Variants in CSNK1G1 observed in about 807,000 individuals in gnomAD.
CSNK1G1 encodes casein kinase I isoform gamma-1.
CSNK1G1 carries 22 observed loss-of-function variants against 59.6 expected under a neutral mutation model. The observed-to-expected ratio is 0.37, with a 90% CI of 0.26 to 0.53. CSNK1G1 has a LOEUF of 0.53. Among genes scored for constraint, CSNK1G1 ranks in the 20% least tolerant of loss-of-function variants. The probability of loss-of-function intolerance (pLI) is 0.89; values close to 1 mark genes in which losing one functional copy is unlikely to be tolerated. For synonymous variants in CSNK1G1, 179 were observed against 177.1 expected (o/e 1.01, Z -0.08); for missense variants, 384 against 519.5 (o/e 0.74, Z 2.54).
At chr15:64,221,556 G>A (rs1313963671) in intron 4 of CSNK1G1, among the ~76,000 whole-genome samples, 1 of 151,728 alleles carries the variant, frequency 6.6e-6, no homozygotes, top group Non-Finnish European at 1.5e-5. Flanking sequence ...ACCACTGAGT[G>A]GTTTTGAAGC....
At chr15:64,261,333 G>C (rs1892676710) in intron 2 of CSNK1G1, among the ~76,000 whole-genome samples, 1 of 152,174 alleles carries the variant, frequency 6.6e-6, no homozygotes, top group South Asian at 2.1e-4. Context: ...AGGTGCAGTG[G>C]CTCATGCCTG....
chr15:64,300,552 A>G lies in CSNK1G1; in HGVS notation c.-53T>C. 1.3e-6 allele frequency: 2 copies of G among 1,535,940 alleles called. No individual in the cohort carries two copies. Among genetic ancestry groups the G allele is most frequent in the East Asian group, 2.3e-5 (1 of 43,650 alleles). ...TACAGCAAGTAGCTTCAGTATGTAT[A>G]CCTCTCTTCAATACAAAAGTATGTC... On this transcript the variant is annotated 5_prime_UTR_variant, in exon 2 of 12. Transcript: ENST00000303052.
intron 4 of CSNK1G1, among the ~76,000 whole-genome samples, chr15:64,228,805 C>T (rs1025638631): frequency 2.0e-5 from 3 of 152,020 alleles, no homozygotes; most frequent in Non-Finnish European, 4.4e-5. Context: ...TGCTTGTGCT[C>T]AGAAGTTCAA....
chr15:64,268,469 G>A (rs541977322), intron 2 of CSNK1G1, among the ~76,000 whole-genome samples: 49 of 152,196 alleles, frequency 3.2e-4, no homozygotes, highest in African/African-American at 1.1e-3. Flanking sequence ...TTATAACACT[G>A]ATGAGAAAAA....
chr15:64,312,235 C>A (rs1566943527), intron 1 of CSNK1G1, among the ~76,000 whole-genome samples: 1 of 152,126 alleles, frequency 6.6e-6, no homozygotes, highest in African/African-American at 2.4e-5. Flanking sequence ...ACTTCCTTCA[C>A]AGAATTGGAA....
At position 64,222,510 on chromosome 15, in the gene CSNK1G1, G is replaced by A. The variant is rs151220921; in HGVS notation, c.293-5797C>T. Among the ~76,000 whole-genome samples, 738 of 150,624 alleles carry A rather than the reference G, an allele frequency of 4.9e-3. 5 individuals are homozygous for A. Among genetic ancestry groups the A allele is most frequent in the African/African-American group, 0.017 (710 of 40,990 alleles). On this transcript the variant is annotated intron_variant, in intron 4 of 11. Transcript: ENST00000303052. ...TTCAAAATCCAAATTCTTATGGCCA[G>A]GATTTCCTTCTAGCTACCTTCTGGG...
chr15:64,222,890 G>A (rs2082409849), intron 4 of CSNK1G1, among the ~76,000 whole-genome samples: 1 of 152,158 alleles, frequency 6.6e-6, no homozygotes, highest in African/African-American at 2.4e-5. Context: ...TCTTTCAGAA[G>A]TTATTTCAGA....
At chr15:64,297,580 A>C (rs986480659) in intron 2 of CSNK1G1, among the ~76,000 whole-genome samples, 2 of 152,052 alleles carry the variant, frequency 1.3e-5, no homozygotes, top group Non-Finnish European at 2.9e-5. Context: ...GTTCTTATGC[A>C]CTAGCTATTA....
chr15:64,278,883 C>T (rs1424821596), intron 2 of CSNK1G1, among the ~76,000 whole-genome samples: 1 of 152,030 alleles, frequency 6.6e-6, no homozygotes, highest in African/African-American at 2.4e-5. Flanking sequence ...AAAGGAGCAA[C>T]GTTAACCTAT....
At chr15:64,197,991 T>G (rs1285772611) in intron 10 of CSNK1G1, among the ~76,000 whole-genome samples, 1 of 152,018 alleles carries the variant, frequency 6.6e-6, no homozygotes, top group East Asian at 1.9e-4. Flanking sequence ...GCTAAAAGCA[T>G]GTCAAATGCA....
At chr15:64,206,899 A>G (rs1342310905) in intron 7 of CSNK1G1, among the ~76,000 whole-genome samples, 1 of 152,212 alleles carries the variant, frequency 6.6e-6, no homozygotes, top group Non-Finnish European at 1.5e-5. Flanking sequence ...TACATAGGAT[A>G]AACAAATATT....
intron 4 of CSNK1G1, among the ~76,000 whole-genome samples, chr15:64,219,025 T>G (rs2082350495): frequency 6.6e-6 from 1 of 151,832 alleles, no homozygotes; most frequent in Non-Finnish European, 1.5e-5. Context: ...CAGCTAATTT[T>G]TGTATTTTTA....
At chr15:64,354,303 TCAAA>T (rs565576832) in intron 1 of CSNK1G1, among the ~76,000 whole-genome samples, 15 of 152,254 alleles carry the variant, frequency 9.9e-5, no homozygotes, top group Non-Finnish European at 1.5e-4. Context: ...AGACTCTGTC[TCAAA>T]CAAACAAACA....
intron 2 of CSNK1G1, among the ~76,000 whole-genome samples, chr15:64,278,716 G>A (rs1002523531): frequency 5.9e-5 from 9 of 152,052 alleles, no homozygotes; most frequent in Non-Finnish European, 1.2e-4. Flanking sequence ...ATGAGCCACC[G>A]TGCCCAGCCA....
chr15:64,233,288 G>A (rs2082572055), intron 4 of CSNK1G1, among the ~76,000 whole-genome samples: 1 of 152,076 alleles, frequency 6.6e-6, no homozygotes, highest in Non-Finnish European at 1.5e-5. Flanking sequence ...GGAAATTACT[G>A]GTCCAAAATG....
At chr15:64,197,523 G>C (rs1296375938) in intron 10 of CSNK1G1, among the ~76,000 whole-genome samples, 1 of 152,154 alleles carries the variant, frequency 6.6e-6, no homozygotes, top group South Asian at 2.1e-4. Context: ...CAACAGCTTT[G>C]ACTCTTCCTT....
intron 7 of CSNK1G1, among the ~76,000 whole-genome samples, chr15:64,205,939 G>T (rs2082172622): frequency 1.3e-5 from 2 of 152,150 alleles, no homozygotes; most frequent in African/African-American, 4.8e-5. Context: ...TCTGGAAGAG[G>T]GGGTGTAGGA....
In CSNK1G1 at chr15:64,216,004, G is replaced by A. The variant is rs1596106983; in HGVS notation, c.444+558C>T. 6.6e-6 allele frequency among the ~76,000 whole-genome samples: 1 copy of A among 152,134 alleles called. No individual in the cohort carries two copies. The highest frequency in any genetic ancestry group is 1.5e-5 in the Non-Finnish European group (1 of 68,028). ...CTAGCACATTGGGAGGCCGAGGTGG[G>A]AGGACTGCTTGAGACCAGTTTAGAC... On this transcript the variant is annotated intron_variant, in intron 5 of 11. Coordinates refer to ENST00000303052, the MANE Select transcript of CSNK1G1 (RefSeq NM_022048.5). This position sits in a 1 kb window ranked among gnomAD's most constrained non-coding sequence, Gnocchi z 4.6.
rs1033696707 is a variant in CSNK1G1 at position 64,167,018 on chromosome 15, TTACAAA to T, written c.*4907_*4912del. The stretch of plus-strand genomic sequence containing the variant: ...TTCACTTTTTCCCTTGAAAGGTGAT[TTACAAA>T]TACCGGAAGTGGGTTTTCTGGTTGT... On this transcript the variant is annotated 3_prime_UTR_variant, in exon 12 of 12. Transcript: ENST00000303052. 2 of 152,172 alleles carry T rather than the reference TTACAAA, an allele frequency of 1.3e-5. No homozygotes were observed. Among genetic ancestry groups the T allele is most frequent in the Non-Finnish European group, 2.9e-5 (2 of 68,020 alleles). The allele number at this position is 152,172 out of a possible 1,614,324, so 9.4% of individuals were successfully genotyped here.
Sources: allele counts gnomAD v4.1 joint callset (sites outside exome capture counted in the v4.1 genomes callset), GRCh38; gene constraint gnomAD v4.1.1; non-coding constraint Gnocchi (gnomAD v3.1); transcripts MANE v1.5; gene names NCBI Gene and HGNC (gene_info 2026-07-23, HGNC 2026-07-21).